SPG7: variants seen among roughly 807,000 people sequenced by gnomAD.
The protein encoded by SPG7 is SPG7 matrix AAA peptidase subunit, paraplegin, also known as mitochondrial inner membrane m-AAA protease component paraplegin.
In SPG7, 103 loss-of-function variants were observed where a neutral mutation model predicts 81.9. The observed-to-expected ratio is 1.26, with a 90% confidence interval of 1.07 to 1.48. SPG7 has a LOEUF of 1.48. Ranked by LOEUF, SPG7 falls within the 40% of genes most tolerant of loss-of-function variation. The pLI is 0.00. For missense variants in SPG7, 1,241 were observed against 1,087.3 expected (o/e 1.14, Z -1.99); for synonymous variants, 534 against 444.2 (o/e 1.20, Z -2.54).
At chr16:89,523,814 G>C in intron 3 of SPG7, 192 bp from the exon 4 acceptor site, 1 of 766,710 alleles carries the variant, frequency 1.3e-6, no homozygotes, top group South Asian at 1.5e-5. Flanking sequence ...ATGAAGTGTG[G>C]GTGACCTCGA....
intron 9 of SPG7, among the ~76,000 whole-genome samples, chr16:89,542,527 A>G (rs962251531): frequency 1.3e-5 from 2 of 152,218 alleles, no homozygotes; most frequent in Non-Finnish European, 2.9e-5. Context: ...ATCCCAGCTT[A>G]TCACATTCTG....
At chr16:89,531,229 T>C in intron 7 of SPG7, 1 of 345,306 alleles carries the variant, frequency 2.9e-6, no homozygotes, top group South Asian at 2.4e-5. Context: ...GGCTGACATG[T>C]GTTCCCTCTG....
chr16:89,530,240 G>C, intron 6 of SPG7: 1 of 326,488 alleles, frequency 3.1e-6, no homozygotes. Flanking sequence ...TGCCTCCTGG[G>C]TTCAAGCGAT....
intron 1 of SPG7, among the ~76,000 whole-genome samples, chr16:89,509,974 G>C (rs2057991419): frequency 1.3e-5 from 2 of 149,082 alleles, no homozygotes; most frequent in Admixed American, 6.7e-5. Flanking sequence ...TTTTTTGTTT[G>C]TTTATTTGTT....
At chr16:89,538,241 GAC>G (rs1362983507) in intron 9 of SPG7, 1 of 152,074 alleles carries the variant, frequency 6.6e-6, no homozygotes, top group Non-Finnish European at 1.5e-5. Context: ...GGTGCGTTGA[GAC>G]ATCCCTCAAA....
chr16:89,547,063 C>T (rs563892730), intron 11 of SPG7: 17 of 388,870 alleles, frequency 4.4e-5, no homozygotes, highest in East Asian at 4.1e-4. Context: ...CGGCGTTTCC[C>T]GTCAGACCCA....
In SPG7 at chr16:89,510,642, C is replaced by T. The variant is rs776684721; in HGVS notation, c.286+50C>T. On this transcript the variant is annotated intron_variant, in intron 2 of 16. Coordinates refer to ENST00000645818, the MANE Select transcript of SPG7 (RefSeq NM_003119.4). ...CTGAGCATGACTGCACACTTACCGCCTCAGCTACTTGGGAGGCTGATCTTT... is the reference window on the plus strand; with the variant it reads ...CTGAGCATGACTGCACACTTACCGCTTCAGCTACTTGGGAGGCTGATCTTT... 4.5e-6 allele frequency: 5 copies of T among 1,104,472 alleles called. No individual in the cohort carries two copies. In the East Asian group the frequency reaches 9.4e-5, roughly 21 times the overall value. 68.4% of individuals were successfully genotyped at this position (1,104,472 alleles called of 1,614,324 possible).
intron 12 of SPG7, chr16:89,549,201 G>A (rs1174290503): frequency 1.3e-5 from 6 of 456,690 alleles, no homozygotes; most frequent in Middle Eastern, 3.2e-4. Context: ...AGGAAGGACT[G>A]AGTGGGAACC....
At chr16:89,527,490 A>G (rs2058280355) in intron 5 of SPG7, 1 of 152,238 alleles carries the variant, frequency 6.6e-6, no homozygotes, top group Non-Finnish European at 1.5e-5. Flanking sequence ...ACTTTCAGTT[A>G]GCAAGGCAAG....
rs1235945505 is a variant in SPG7 at position 89,529,524 on chromosome 16, G to A, written c.806G>A (p.Trp269Ter). Residue 269 changes from tryptophan to a stop codon, truncating the protein, a stop_gained, in exon 6 of 17, where the codon TGG becomes TAG. Transcript: ENST00000645818. LOFTEE classifies it high-confidence loss of function. ...GMTAVGLAIL[W>*]YVFRLAGMTG... is the part of the protein sequence containing the mutation. The stretch of plus-strand genomic sequence containing the variant: ...ACGGCAGTGGGCCTGGCCATCCTGT[G>A]GTATGTTTTCCGTCTGGCCGGGATG... The A allele has an allele frequency of 4.3e-6, 7 of 1,614,032 alleles. No homozygotes were observed. Among genetic ancestry groups the A allele is most frequent in the Middle Eastern group, 1.7e-4 (1 of 6,060 alleles).
intron 2 of SPG7, 129 bp downstream of exon 2, chr16:89,510,721 A>G: frequency 2.8e-6 from 2 of 703,818 alleles, no homozygotes; most frequent in Admixed American, 2.0e-5. Context: ...GTGCAGTACA[A>G]TGGTGTGATC....
chr16:89,525,017 G>A (rs772358366), intron 4 of SPG7, among the ~76,000 whole-genome samples: 5 of 145,440 alleles, frequency 3.4e-5, no homozygotes, highest in South Asian at 2.2e-4. Flanking sequence ...ATGCAGGGGT[G>A]TGTGTGATGT....
At chr16:89,535,597 A>G (rs1031409465) in intron 9 of SPG7, among the ~76,000 whole-genome samples, 3 of 152,180 alleles carry the variant, frequency 2.0e-5, no homozygotes, top group Admixed American at 6.5e-5. Flanking sequence ...TTCAGAGAAC[A>G]CAATGTCTTC....
At chr16:89,534,231 A>G (rs557859887) in intron 9 of SPG7, among the ~76,000 whole-genome samples, 1 of 152,006 alleles carries the variant, frequency 6.6e-6, no homozygotes, top group East Asian at 1.9e-4. Flanking sequence ...TGTTGTAGGG[A>G]CCTCATAGAA....
intron 3 of SPG7, among the ~76,000 whole-genome samples, chr16:89,515,709 A>AT (rs1209586419): frequency 5.6e-5 from 8 of 143,518 alleles, no homozygotes; most frequent in African/African-American, 2.2e-4. Context: ...TACTATTATT[A>AT]TTATTATTTT....
chr16:89,554,426 G>A, intron 15 of SPG7, 60 bp from the exon 16 acceptor site: 1 of 1,163,066 alleles, frequency 8.6e-7, no homozygotes, highest in Non-Finnish European at 1.3e-6. Flanking sequence ...TCTTTTCTGT[G>A]CTTTGGTGCT....
Position 89,556,971 on chromosome 16 carries a change from A to T in SPG7, c.2266A>T (p.Lys756Ter), listed in dbSNP as rs769336448. The change falls in exon 17 of 17, where the codon AAA becomes TAA. Residue 756 changes from lysine to a stop codon, truncating the protein, a stop_gained. Transcript: ENST00000645818. LOFTEE classifies it low-confidence loss of function (END_TRUNC). ...LIGPPPHGPK[K>*]MIAPQRWIDA... The stretch of plus-strand genomic sequence containing the variant: ...TGGCCCGCCGCCCCATGGGCCGAAG[A>T]AAATGATCGCACCGCAGAGGTGGAT... 1 of 1,613,970 alleles carries T rather than the reference A, an allele frequency of 6.2e-7. No homozygotes were observed. Among genetic ancestry groups the T allele is most frequent in the African/African-American group, 1.3e-5 (1 of 74,940 alleles).
chr16:89,547,942 T>C, intron 11 of SPG7, 61 bp from the exon 12 acceptor site: 1 of 1,289,458 alleles, frequency 7.8e-7, no homozygotes, highest in Non-Finnish European at 1.1e-6. Flanking sequence ...GGCCCCTTCC[T>C]CCTCTTAAGC....
At position 89,554,479 on chromosome 16, in the gene SPG7, C is replaced by A; in HGVS notation, c.2104-7C>A. 1 of 1,604,728 alleles carries A rather than the reference C, an allele frequency of 6.2e-7. No homozygotes were observed. Among genetic ancestry groups the A allele is most frequent in the Non-Finnish European group, 8.5e-7 (1 of 1,176,726 alleles). ...CTTGCCCCTGACACAGTTCCCTCCACTCACAGGAAGCAAGACTGCTGGTGG... is the reference window on the plus strand; with the variant it reads ...CTTGCCCCTGACACAGTTCCCTCCAATCACAGGAAGCAAGACTGCTGGTGG... On this transcript the variant is annotated splice_region_variant and splice_polypyrimidine_tract_variant and intron_variant, in intron 15 of 16. Coordinates refer to ENST00000645818, the MANE Select transcript of SPG7 (RefSeq NM_003119.4).
Sources: gnomAD v4.1 joint callset for allele counts (sites outside exome capture counted in the v4.1 genomes callset) on GRCh38, gnomAD v4.1.1 for gene constraint, MANE v1.5 for transcripts, NCBI Gene and HGNC (gene_info 2026-07-23, HGNC 2026-07-21) for gene names.